Variants in JARID2 observed in about 807,000 individuals in gnomAD.
JARID2 encodes the protein protein Jumonji.
Under a neutral mutation model 125.6 loss-of-function variants are expected in JARID2, and 21 were observed. The observed-to-expected ratio is 0.17, with a 90% confidence interval of 0.12 to 0.24. The LOEUF is 0.24. Ranked by LOEUF, JARID2 falls within the 10% of genes least tolerant of loss-of-function variation. The probability of loss-of-function intolerance (pLI) is 1.00; values close to 1 mark genes in which losing one functional copy is unlikely to be tolerated. For synonymous variants in JARID2, 736 were observed against 661.6 expected, an observed-to-expected ratio of 1.11 and a Z score of -1.73; for missense variants, 1,303 against 1,639.6, an observed-to-expected ratio of 0.79 and a Z score of 3.55.
intron 8 of JARID2, 104 bp from the exon 9 acceptor site, chr6:15,504,396 C>A: frequency 1.3e-6 from 1 of 795,828 alleles, no homozygotes; most frequent in South Asian, 1.4e-5. Flanking sequence ...GGCCCACAGC[C>A]GCAGGGACGC....
At chr6:15,403,699 C>T (rs1028300996) in intron 2 of JARID2, among the ~76,000 whole-genome samples, 1 of 152,110 alleles carries the variant, frequency 6.6e-6, no homozygotes, top group Non-Finnish European at 1.5e-5. Context: ...AAAAATTGTG[C>T]ATGCAAAAGA....
At chr6:15,385,417 C>T (rs1296686523) in intron 2 of JARID2, among the ~76,000 whole-genome samples, 1 of 151,998 alleles carries the variant, frequency 6.6e-6, no homozygotes, top group African/African-American at 2.4e-5. Flanking sequence ...TTTCTCACTG[C>T]CTGACATTGT....
chr6:15,279,665 A>G (rs539253649), intron 1 of JARID2, among the ~76,000 whole-genome samples: 3 of 152,278 alleles, frequency 2.0e-5, no homozygotes, highest in East Asian at 3.9e-4. Context: ...GTACACCATT[A>G]TTAATTTGTA....
At chr6:15,312,904 C>T (rs1229364302) in intron 1 of JARID2, among the ~76,000 whole-genome samples, 2 of 152,190 alleles carry the variant, frequency 1.3e-5, no homozygotes, top group East Asian at 1.9e-4. Context: ...CCCCTCACCA[C>T]CCCACTAGGG....
intron 2 of JARID2, chr6:15,401,025 C>A: frequency 7.8e-7 from 1 of 1,289,254 alleles, no homozygotes; most frequent in Non-Finnish European, 1.0e-6. Context: ...AAGGTCTGTT[C>A]CTATAAATAA....
chr6:15,375,353 G>T (rs954424115), intron 2 of JARID2, among the ~76,000 whole-genome samples: 6 of 152,122 alleles, frequency 3.9e-5, no homozygotes, highest in African/African-American at 1.2e-4. Context: ...CCACCCTCCC[G>T]GGTTTTCTTT....
intron 1 of JARID2, among the ~76,000 whole-genome samples, chr6:15,303,248 G>A (rs917956022): frequency 3.3e-5 from 5 of 152,224 alleles, no homozygotes; most frequent in Non-Finnish European, 5.9e-5. Flanking sequence ...TATAGGTAGC[G>A]CACCTCGAAC....
intron 5 of JARID2, among the ~76,000 whole-genome samples, chr6:15,480,215 A>C (rs1453568692): frequency 6.6e-6 from 1 of 151,940 alleles, no homozygotes; most frequent in Non-Finnish European, 1.5e-5. Context: ...AGGTATTTTA[A>C]TTTGGGGGTT....
intron 1 of JARID2, among the ~76,000 whole-genome samples, chr6:15,291,426 G>T (rs1011231738): frequency 2.6e-5 from 4 of 152,156 alleles, no homozygotes; most frequent in African/African-American, 9.7e-5. Flanking sequence ...AGTTGTTAGG[G>T]GCACAATCTG....
At chr6:15,400,036 G>GC (rs1407833569) in intron 2 of JARID2, among the ~76,000 whole-genome samples, 1 of 152,238 alleles carries the variant, frequency 6.6e-6, no homozygotes, top group Non-Finnish European at 1.5e-5. Context: ...GAGCTGGCCA[G>GC]CCCTCAGTTG....
intron 1 of JARID2, among the ~76,000 whole-genome samples, chr6:15,291,726 A>G (rs1256317083): frequency 6.6e-6 from 1 of 152,224 alleles, no homozygotes. Context: ...TAACACAGAA[A>G]CCACAGAAAT....
chr6:15,410,727 T>C (rs1225135894), intron 3 of JARID2, among the ~76,000 whole-genome samples: 2 of 152,204 alleles, frequency 1.3e-5, no homozygotes. Flanking sequence ...AAAAGAGATC[T>C]TTCTAAAAAT....
At chr6:15,387,106 C>G (rs1764815916) in intron 2 of JARID2, among the ~76,000 whole-genome samples, 1 of 152,116 alleles carries the variant, frequency 6.6e-6, no homozygotes, top group East Asian at 1.9e-4. Flanking sequence ...CCAGACTTGG[C>G]TTTTTTCCCC....
rs1382384857 is a variant in JARID2 at position 15,451,889 on chromosome 6, A to C, written c.324-117A>C. On this transcript the variant is annotated intron_variant, in intron 3 of 17. Transcript: ENST00000341776. Reference sequence around the variant, plus strand: ...GAGATATAGAACCTTAATTAGGAAGAGTTTGCTTGAAATAGGATCTTTTTT... The same window carrying C: ...GAGATATAGAACCTTAATTAGGAAGCGTTTGCTTGAAATAGGATCTTTTTT... 11 of 944,756 alleles carry C rather than the reference A, an allele frequency of 1.2e-5. No homozygotes were observed. In the East Asian group the frequency reaches 2.6e-4, roughly 23 times the overall value. 58.5% of individuals were successfully genotyped at this position (944,756 alleles called of 1,614,324 possible). A position where few individuals can be genotyped will look rare whatever the true frequency, so the allele number is the denominator to read the frequency against.
At chr6:15,497,249 G>A (rs919708670) in intron 7 of JARID2, 79 bp downstream of exon 7, 14 of 1,117,078 alleles carry the variant, frequency 1.3e-5, no homozygotes, top group Admixed American at 8.3e-5. Flanking sequence ...CAGTCTTCAC[G>A]TTCTCTTCCC....
chr6:15,329,179 GTT>G (rs11343556), intron 1 of JARID2, among the ~76,000 whole-genome samples: 19 of 57,306 alleles, frequency 3.3e-4, no homozygotes, highest in African/African-American at 1.1e-3. Flanking sequence ...CTTTAATATG[GTT>G]TTTTTTTTTT....
At chr6:15,286,914 A>C (rs1448743571) in intron 1 of JARID2, among the ~76,000 whole-genome samples, 1 of 150,816 alleles carries the variant, frequency 6.6e-6, no homozygotes, top group Non-Finnish European at 1.5e-5. Context: ...ACAGCCATCC[A>C]TATTACAACT....
intron 17 of JARID2, 38 bp from the exon 18 acceptor site, chr6:15,520,031 C>T (rs745459012): frequency 3.2e-5 from 50 of 1,561,536 alleles, no homozygotes; most frequent in Middle Eastern, 1.7e-4. Flanking sequence ...CTTGTTAATA[C>T]GGTATGTTAA....
In JARID2 at chr6:15,520,285, T is replaced by A. The variant is rs749225664; in HGVS notation, c.*34T>A. ...ACGCCCGTGGTCGATTTATATATATTTTTTTGTAATTATTATATTCTAGTT... is the reference window on the plus strand; with the variant it reads ...ACGCCCGTGGTCGATTTATATATATATTTTTGTAATTATTATATTCTAGTT... On this transcript the variant is annotated 3_prime_UTR_variant, in exon 18 of 18. Coordinates refer to ENST00000341776, the MANE Select transcript of JARID2 (RefSeq NM_004973.4). 188 of 1,487,144 alleles carry A rather than the reference T, an allele frequency of 1.3e-4. 1 individual carries two copies. Among genetic ancestry groups the A allele is most frequent in the Non-Finnish European group, 1.4e-4 (158 of 1,111,282 alleles). The allele number at this position is 1,487,144 out of a possible 1,614,324, so 92.1% of individuals were successfully genotyped here.
Sources: gnomAD v4.1 joint callset for allele counts (sites outside exome capture counted in the v4.1 genomes callset) on GRCh38, gnomAD v4.1.1 for gene constraint, MANE v1.5 for transcripts, NCBI Gene and HGNC (gene_info 2026-07-23, HGNC 2026-07-21) for gene names.